Variants in ZNF407 observed in about 807,000 individuals in gnomAD.
ZNF407 encodes zinc finger protein 407.
ZNF407 carries 17 observed loss-of-function variants against 131.2 expected under a neutral mutation model. That is an observed-to-expected ratio of 0.13 (90% CI 0.09 to 0.19). The LOEUF (loss-of-function observed/expected upper bound fraction) is 0.19, where lower values mean the gene tolerates loss of function less well. ZNF407 is among the 10% of genes least tolerant of loss of function. The probability of loss-of-function intolerance (pLI) is 1.00; values close to 1 mark genes in which losing one functional copy is unlikely to be tolerated. For synonymous variants in ZNF407, 1,156 were observed against 1,062.0 expected (o/e 1.09, Z -1.72); for missense variants, 2,681 against 2,830.6 (o/e 0.95, Z 1.20).
rs1243973212 is a variant in ZNF407 at position 74,632,642 on chromosome 18, A to G, written c.1623A>G (p.Thr541=). Residue 541 remains threonine (T), a synonymous_variant, in exon 2 of 9, where the codon ACA becomes ACG. Transcript: ENST00000299687. ...TDCGQVATNR[T]DLEIHVKRCH... is the part of the protein sequence containing the mutation. ...GTGGGCAAGTAGCTACAAATAGGAC[A>G]GATTTGGAAATCCATGTGAAAAGGT... 2.5e-6 allele frequency: 4 copies of G among 1,613,940 alleles called. No individual in the cohort carries two copies. The Admixed American group carries it at 6.7e-5, about 27-fold the overall frequency.
intron 7 of ZNF407, among the ~76,000 whole-genome samples, chr18:74,891,445 C>T (rs757635990): frequency 2.2e-4 from 33 of 152,252 alleles, no homozygotes; most frequent in Admixed American, 3.9e-4. Context: ...CTAGCCTACG[C>T]GTTTAGCAAA....
intron 7 of ZNF407, among the ~76,000 whole-genome samples, chr18:74,916,481 A>AGTGT (rs752881660): frequency 5.1e-5 from 4 of 78,736 alleles, no homozygotes; most frequent in Non-Finnish European, 2.3e-5. Context: ...TCGAATTGGG[A>AGTGT]GTGTGTGTGT....
At chr18:74,947,753 G>A (rs1363400528) in intron 8 of ZNF407, among the ~76,000 whole-genome samples, 1 of 152,202 alleles carries the variant, frequency 6.6e-6, no homozygotes, top group Non-Finnish European at 1.5e-5. Context: ...ACCTGTGCGT[G>A]TAGCCCACCA....
intron 8 of ZNF407, among the ~76,000 whole-genome samples, chr18:74,970,014 G>T (rs1449300756): frequency 6.6e-6 from 1 of 152,000 alleles, no homozygotes; most frequent in Non-Finnish European, 1.5e-5. Flanking sequence ...AACTGGCGGG[G>T]GTGAAAGGCA....
At chr18:74,960,724 T>C (rs1422388684) in intron 8 of ZNF407, among the ~76,000 whole-genome samples, 2 of 142,032 alleles carry the variant, frequency 1.4e-5, no homozygotes, top group South Asian at 2.3e-4. Context: ...AGGTCCTGAG[T>C]GTGGACTGGG....
At chr18:74,988,374 C>T (rs1025707121) in intron 8 of ZNF407, among the ~76,000 whole-genome samples, 3 of 151,564 alleles carry the variant, frequency 2.0e-5, no homozygotes, top group African/African-American at 7.3e-5. Context: ...ATGTAAAAAG[C>T]ACAAATGGTG....
At chr18:75,054,663 A>C (rs1973541144) in intron 8 of ZNF407, among the ~76,000 whole-genome samples, 1 of 152,238 alleles carries the variant, frequency 6.6e-6, no homozygotes. Flanking sequence ...GTTTATCTGC[A>C]TTGGGAGTTC....
intron 3 of ZNF407, among the ~76,000 whole-genome samples, chr18:74,719,025 A>G (rs72969702): frequency 0.067 from 10,243 of 152,174 alleles, 402 homozygotes; most frequent in East Asian, 0.11. Context: ...TTTTTATAGG[A>G]TATGACTTGT....
chr18:74,632,778 G>T lies in ZNF407; in HGVS notation c.1759G>T (p.Val587Phe). The T allele has an allele frequency of 9.3e-6, 15 of 1,613,994 alleles. No individual in the cohort carries two copies. The highest frequency in any genetic ancestry group is 1.1e-5 in the Non-Finnish European group (13 of 1,179,890). Residue 587 changes from valine to phenylalanine, a missense_variant, in exon 2 of 9, where the codon GTC (valine) becomes TTC (phenylalanine). This residue lies in a region of ZNF407 where 1,789 missense variants were observed against 1,748.7 expected (regional missense o/e 1.02). Coordinates refer to ENST00000299687, the MANE Select transcript of ZNF407 (RefSeq NM_017757.3). ...TAACCAGCATCAGCAAACTGCTTCTGTCCTGAGTTGTCAGTGTTGTTCATT... is the reference window on the plus strand; with the variant it reads ...TAACCAGCATCAGCAAACTGCTTCTTTCCTGAGTTGTCAGTGTTGTTCATT... Reference protein sequence around the residue: ...HSNQHQQTASVLSCQCCSFIS... With the variant: ...HSNQHQQTASFLSCQCCSFIS...
chr18:74,686,790 G>A (rs1389835876), intron 3 of ZNF407, among the ~76,000 whole-genome samples: 1 of 152,036 alleles, frequency 6.6e-6, no homozygotes, highest in Non-Finnish European at 1.5e-5. Context: ...GTTAAACAAA[G>A]GTAAATTTTT....
chr18:74,716,367 A>G (rs1405385379), intron 3 of ZNF407, among the ~76,000 whole-genome samples: 1 of 152,182 alleles, frequency 6.6e-6, no homozygotes, highest in Non-Finnish European at 1.5e-5. Flanking sequence ...TCTTATTTCT[A>G]GTATCACAGC....
intron 4 of ZNF407, among the ~76,000 whole-genome samples, chr18:74,798,885 G>A (rs1290375893): frequency 6.6e-6 from 1 of 152,028 alleles, no homozygotes; most frequent in African/African-American, 2.4e-5. Context: ...TGGATTTTAT[G>A]TTTAGATTTA....
intron 3 of ZNF407, among the ~76,000 whole-genome samples, chr18:74,742,425 A>C (rs1442383249): frequency 6.6e-6 from 1 of 152,172 alleles, no homozygotes; most frequent in Non-Finnish European, 1.5e-5. Context: ...AAGACACATG[A>C]CGTTGCTGAC....
intron 3 of ZNF407, among the ~76,000 whole-genome samples, chr18:74,725,685 C>T (rs1035781194): frequency 3.3e-5 from 5 of 151,906 alleles, no homozygotes; most frequent in Non-Finnish European, 5.9e-5. Flanking sequence ...TTTCATATGG[C>T]TTAGGTCATT....
rs370695082 is a variant in ZNF407, at chr18:74,915,665, GGTT to G, written c.5250-4846_5250-4844del. On this transcript the variant is annotated intron_variant, in intron 7 of 8. Transcript: ENST00000299687. ...GTGCATGTGTGTGCTGGTATGGTGA[GGTT>G]GTATGCAGCATTGGTTCGAATCGGG... is the stretch of plus-strand genomic sequence containing the variant. Among the ~76,000 whole-genome samples, 31 of 94,148 alleles carry G rather than the reference GGTT, an allele frequency of 3.3e-4. 1 individual carries two copies. In the East Asian group the frequency reaches 0.01, roughly 31 times the overall value. The allele number at this position is 94,148 out of a possible 152,430, so 61.8% of individuals were successfully genotyped here. A position where few individuals can be genotyped will look rare whatever the true frequency, so the allele number is the denominator to read the frequency against.
At chr18:75,034,582 G>A (rs1016042725) in intron 8 of ZNF407, among the ~76,000 whole-genome samples, 8 of 151,308 alleles carry the variant, frequency 5.3e-5, no homozygotes, top group African/African-American at 1.7e-4. Context: ...GATTACAGGC[G>A]TGAGCCACTG....
chr18:74,972,359 G>A (rs563277503), intron 8 of ZNF407, among the ~76,000 whole-genome samples: 42 of 152,296 alleles, frequency 2.8e-4, no homozygotes, highest in African/African-American at 9.6e-4. Context: ...AGTACTAGGA[G>A]AAAGTAGAGA....
chr18:74,919,188 T>TA (rs1285478167), intron 7 of ZNF407, among the ~76,000 whole-genome samples: 1 of 152,226 alleles, frequency 6.6e-6, no homozygotes, highest in Non-Finnish European at 1.5e-5. Flanking sequence ...AGTGGATAGA[T>TA]ACCGTATTCA....
At chr18:74,930,579 T>C (rs1429467397) in intron 8 of ZNF407, among the ~76,000 whole-genome samples, 2 of 152,262 alleles carry the variant, frequency 1.3e-5, no homozygotes, top group Non-Finnish European at 2.9e-5. Flanking sequence ...ATTGGAATTA[T>C]TCTGTAAGGA....
Sources: gnomAD v4.1 joint callset for allele counts (sites outside exome capture counted in the v4.1 genomes callset) on GRCh38, gnomAD v4.1.1 for gene constraint, gnomAD v4.1.1 regional missense constraint, MANE v1.5 for transcripts, NCBI Gene and HGNC (gene_info 2026-07-23, HGNC 2026-07-21) for gene names.